Variants in TRAPPC9 observed in about 807,000 individuals in gnomAD.
TRAPPC9 encodes IKK2 binding protein.
TRAPPC9 carries 83 observed loss-of-function variants against 124.0 expected under a neutral mutation model. The observed-to-expected ratio is 0.67, with a 90% CI of 0.56 to 0.80. TRAPPC9 has a LOEUF of 0.80. Ranked by LOEUF, TRAPPC9 falls within the 30% of genes least tolerant of loss-of-function variation. TRAPPC9 has a pLI of 0.00. For synonymous variants in TRAPPC9, 638 were observed against 617.5 expected (o/e 1.03, Z -0.49); for missense variants, 1,302 against 1,508.3 (o/e 0.86, Z 2.27).
intron 17 of TRAPPC9, among the ~76,000 whole-genome samples, chr8:140,077,119 T>C (rs1194554259): frequency 1.3e-5 from 2 of 152,068 alleles, no homozygotes; most frequent in African/African-American, 4.8e-5. Context: ...TGAGCCTAGA[T>C]TGTGCCACTG....
rs182565912 is a variant in TRAPPC9, at chr8:139,890,872, A to T, written c.2965-4903T>A. ...AAAAAATAAAAAAATTTAAAAATTT[A>T]AAAAAAAAAAAGAAAATATCTGTGG... On this transcript the variant is annotated intron_variant, in intron 20 of 22. Transcript: ENST00000438773. Among the ~76,000 whole-genome samples the T allele has an allele frequency of 1.9e-3, 270 of 145,022 alleles. 4 individuals are homozygous for T. In the South Asian group the frequency reaches 0.019, roughly 10 times the overall value.
chr8:140,008,200 T>G (rs559610163), intron 18 of TRAPPC9, among the ~76,000 whole-genome samples: 38 of 152,354 alleles, frequency 2.5e-4, no homozygotes, highest in African/African-American at 8.4e-4. Flanking sequence ...TAAGTTCCCT[T>G]CCAACAAGAG....
intron 21 of TRAPPC9, among the ~76,000 whole-genome samples, chr8:139,864,100 C>T (rs367888040): frequency 1.3e-5 from 2 of 152,148 alleles, no homozygotes; most frequent in Admixed American, 6.5e-5. Context: ...TCCTGCAGCC[C>T]GAGGCTAGTT....
chr8:140,083,483 T>C (rs764779666), intron 17 of TRAPPC9, among the ~76,000 whole-genome samples: 1 of 152,048 alleles, frequency 6.6e-6, no homozygotes, highest in African/African-American at 2.4e-5. Flanking sequence ...CGCAACGCAG[T>C]ACCCAGGGAA....
intron 5 of TRAPPC9, among the ~76,000 whole-genome samples, chr8:140,412,119 C>T (rs1435563251): frequency 1.3e-5 from 2 of 152,180 alleles, no homozygotes; most frequent in Non-Finnish European, 2.9e-5. Context: ...CATCAGACTC[C>T]ACTTTAACCA....
At chr8:140,143,783 T>C (rs896111106) in intron 17 of TRAPPC9, among the ~76,000 whole-genome samples, 2 of 152,264 alleles carry the variant, frequency 1.3e-5, no homozygotes, top group African/African-American at 4.8e-5. Flanking sequence ...TGAAAAGTTC[T>C]GATTTTCTTC....
At chr8:140,068,905 C>G (rs1220133242) in intron 17 of TRAPPC9, among the ~76,000 whole-genome samples, 1 of 152,150 alleles carries the variant, frequency 6.6e-6, no homozygotes, top group African/African-American at 2.4e-5. Flanking sequence ...GAGTAATTCA[C>G]CTTTGAATTT....
At chr8:140,146,449 T>C (rs1176118745) in intron 17 of TRAPPC9, among the ~76,000 whole-genome samples, 1 of 152,224 alleles carries the variant, frequency 6.6e-6, no homozygotes, top group African/African-American at 2.4e-5. Context: ...AATTTGTCAG[T>C]GGGAACCATG....
At chr8:140,354,418 A>C (rs910430040) in intron 9 of TRAPPC9, among the ~76,000 whole-genome samples, 3 of 152,242 alleles carry the variant, frequency 2.0e-5, no homozygotes, top group African/African-American at 7.2e-5. Context: ...AGGGTAGTAC[A>C]TCATCTTGTA....
intron 17 of TRAPPC9, among the ~76,000 whole-genome samples, chr8:140,114,139 C>G (rs536921639): frequency 2.0e-5 from 3 of 152,294 alleles, no homozygotes; most frequent in African/African-American, 7.2e-5. Context: ...AAAACTCACT[C>G]TGCTTCCGAG....
chr8:139,988,876 G>T (rs1467521118), intron 18 of TRAPPC9, 40 bp from the exon 19 acceptor site: 2 of 1,336,258 alleles, frequency 1.5e-6, no homozygotes, highest in Non-Finnish European at 2.1e-6. Context: ...TCCTCTGACA[G>T]CCAAAGAGGA....
At chr8:140,062,817 C>T (rs922391773) in intron 17 of TRAPPC9, among the ~76,000 whole-genome samples, 2 of 152,146 alleles carry the variant, frequency 1.3e-5, no homozygotes, top group Admixed American at 6.5e-5. Context: ...TCATTCCATC[C>T]CCAATTTGGC....
intron 19 of TRAPPC9, among the ~76,000 whole-genome samples, chr8:139,953,326 C>G (rs552556220): frequency 1.3e-5 from 2 of 152,260 alleles, no homozygotes; most frequent in East Asian, 3.9e-4. Context: ...CACACTGTCT[C>G]TACTAAAAAT....
intron 17 of TRAPPC9, among the ~76,000 whole-genome samples, chr8:140,059,551 A>G (rs1842476020): frequency 6.6e-6 from 1 of 152,238 alleles, no homozygotes; most frequent in Admixed American, 6.5e-5. Flanking sequence ...TAGCCACACC[A>G]TTGTACACTG....
At chr8:139,803,891 G>A (rs528219405) in intron 21 of TRAPPC9, among the ~76,000 whole-genome samples, 38 of 152,178 alleles carry the variant, frequency 2.5e-4, no homozygotes, top group African/African-American at 8.0e-4. Flanking sequence ...AATAAATGAC[G>A]TCTAAATGTG....
At chr8:139,925,823 ACACG>A (rs1381091724) in intron 19 of TRAPPC9, among the ~76,000 whole-genome samples, 18 of 37,888 alleles carry the variant, frequency 4.8e-4, no homozygotes, top group African/African-American at 2.0e-3. Flanking sequence ...ACGCACACGC[ACACG>A]CACACACACA....
At chr8:139,923,061 C>T (rs1832605426) in intron 19 of TRAPPC9, among the ~76,000 whole-genome samples, 1 of 151,240 alleles carries the variant, frequency 6.6e-6, no homozygotes, top group Non-Finnish European at 1.5e-5. Context: ...TGCAGATGGG[C>T]CGGACTGGTA....
At position 140,241,567 on chromosome 8, in the gene TRAPPC9, C is replaced by T. The variant is rs537648486; in HGVS notation, c.2431+11210G>A. Among the ~76,000 whole-genome samples, 4 of 152,120 alleles carry T rather than the reference C, an allele frequency of 2.6e-5. No homozygotes were observed. The East Asian group carries it at 5.8e-4, about 22-fold the overall frequency. ...AAAATTAGCTGGGCATGGTGGTGTGCGCCTGTAGTCCCAGCTATTCGGAAG... is the reference window on the plus strand; with the variant it reads ...AAAATTAGCTGGGCATGGTGGTGTGTGCCTGTAGTCCCAGCTATTCGGAAG... On this transcript the variant is annotated intron_variant, in intron 16 of 22. Coordinates refer to ENST00000438773, the MANE Select transcript of TRAPPC9 (RefSeq NM_001160372.4). The surrounding 1 kb of genome is among the most constrained non-coding windows in gnomAD (Gnocchi z 5.0).
intron 19 of TRAPPC9, among the ~76,000 whole-genome samples, chr8:139,947,907 T>TATATATATATATATATATATAG: frequency 1.7e-5 from 1 of 60,368 alleles, no homozygotes; most frequent in African/African-American, 5.8e-5. Flanking sequence ...TATATATATA[T>TATATATATATATATATATATAG]AGAGAGAGAG....
Sources: gnomAD v4.1 joint callset for allele counts (sites outside exome capture counted in the v4.1 genomes callset) on GRCh38, gnomAD v4.1.1 for gene constraint, Gnocchi (gnomAD v3.1) non-coding constraint, MANE v1.5 for transcripts, NCBI Gene and HGNC (gene_info 2026-07-23, HGNC 2026-07-21) for gene names.